Variants in TECPR1 observed in about 807,000 individuals in gnomAD.
TECPR1 encodes tectonin beta-propeller repeat-containing protein 1.
In TECPR1, 122 loss-of-function variants were observed where a neutral mutation model predicts 162.4. The ratio of observed to expected loss-of-function variants is 0.75; its 90% CI spans 0.65 to 0.87. The LOEUF is 0.87. TECPR1 is among the 40% of genes least tolerant of loss of function. The pLI is 0.00. For synonymous variants in TECPR1, 642 were observed against 670.6 expected (o/e 0.96, Z 0.66); for missense variants, 1,432 against 1,618.2 (o/e 0.88, Z 1.97).
chr7:98,231,653 C>T (rs1798443549), intron 13 of TECPR1, 151 bp downstream of exon 13: 18 of 1,016,526 alleles, frequency 1.8e-5, no homozygotes, highest in Non-Finnish European at 2.4e-5. Flanking sequence ...TTTCTGTACC[C>T]CTCCCCTGGG....
chr7:98,221,781 G>A (rs779987875), intron 22 of TECPR1, 28 bp from the exon 23 acceptor site: 12 of 1,594,000 alleles, frequency 7.5e-6, no homozygotes, highest in African/African-American at 4.0e-5. Context: ...ACTCAGGCAC[G>A]CTGCCTTCTC....
chr7:98,220,187 CA>C (rs1446182164), intron 23 of TECPR1, among the ~76,000 whole-genome samples: 2 of 150,830 alleles, frequency 1.3e-5, no homozygotes, highest in Non-Finnish European at 3.0e-5. Flanking sequence ...ACTAAAAATA[CA>C]AAAAAATTAG....
chr7:98,233,037 G>C, intron 11 of TECPR1, 65 bp from the exon 12 acceptor site: 1 of 1,508,858 alleles, frequency 6.6e-7, no homozygotes, highest in Non-Finnish European at 8.9e-7. Context: ...AGGAAGCCAC[G>C]GCGCTCCCCT....
intron 9 of TECPR1, among the ~76,000 whole-genome samples, chr7:98,237,846 C>T (rs189475506): frequency 3.5e-4 from 54 of 152,276 alleles, no homozygotes; most frequent in Admixed American, 1.1e-3. Flanking sequence ...ATGCATGGCT[C>T]ATTACAGCCT....
chr7:98,231,040 T>G lies in TECPR1; in HGVS notation c.2203A>C (p.Thr735Pro), dbSNP rs1798419053. 6.2e-7 allele frequency: 1 copy of G among 1,612,348 alleles called. No homozygotes were observed. ...CTCACGAAGATGTCCCCCTTGCAGGTGATGGACCAGATGGCCTGCGGGGAC... is the reference window on the plus strand; with the variant it reads ...CTCACGAAGATGTCCCCCTTGCAGGGGATGGACCAGATGGCCTGCGGGGAC... ...RPSPQAIWSI[T>P]CKGDIFVSEP... The change falls in exon 15 of 26, where the codon ACC (threonine) becomes CCC (proline). Residue 735 changes from threonine (T) to proline (P), a missense_variant. By Grantham distance (38) the Thr-to-Pro change is conservative. Transcript: ENST00000447648.
In TECPR1 at chr7:98,231,137, G is replaced by A. The variant is rs1272413650; in HGVS notation, c.2125-19C>T. ...GGGCGAGCTGGTGTGGCACAATGCC[G>A]GTCACTGCTGAGCAGGCCAGGCCAG... is the stretch of plus-strand genomic sequence containing the variant. On this transcript the variant is annotated intron_variant, in intron 14 of 25. Transcript: ENST00000447648. 7.5e-6 allele frequency: 12 copies of A among 1,601,882 alleles called. No homozygotes were observed. Among genetic ancestry groups the A allele is most frequent in the African/African-American group, 5.4e-5 (4 of 74,570 alleles).
chr7:98,233,749 C>G lies in TECPR1; in HGVS notation c.1344G>C (p.Leu448=), dbSNP rs1157571794. ...TATCTTCTGCGGTCCTGCCAGCCCCCAGGCCTGAGGCTGAGTTCCCTGTGG... is the reference window on the plus strand; with the variant it reads ...TATCTTCTGCGGTCCTGCCAGCCCCGAGGCCTGAGGCTGAGTTCCCTGTGG... ...KNATGNSASG[L]GAGRTAEDTV... The change falls in exon 11 of 26, where the codon CTG becomes CTC. Residue 448 remains leucine (L), a synonymous_variant. Transcript: ENST00000447648. 4 of 1,612,614 alleles carry G rather than the reference C, an allele frequency of 2.5e-6. No homozygotes were observed. The highest frequency in any genetic ancestry group is 2.7e-5 in the African/African-American group (2 of 74,946).
In TECPR1 at chr7:98,215,292, T is replaced by C. The variant is rs982983923; in HGVS notation, c.*2098A>G. The C allele has an allele frequency of 7.2e-5, 11 of 152,276 alleles. No individual in the cohort carries two copies. The highest frequency in any genetic ancestry group is 1.5e-4 in the Non-Finnish European group (10 of 68,050). 9.4% of individuals were successfully genotyped at this position (152,276 alleles called of 1,614,324 possible). A position where few individuals can be genotyped will look rare whatever the true frequency, so the allele number is the denominator to read the frequency against. ...ATTGTTGCATCTGGGAAAACCCAGC[T>C]GGAGCCGAACGGCCCGTGCCCCCAC... is the stretch of plus-strand genomic sequence containing the variant. On this transcript the variant is annotated 3_prime_UTR_variant, in exon 26 of 26. Transcript: ENST00000447648.
intron 9 of TECPR1, 21 bp downstream of exon 9, chr7:98,238,488 G>A (rs1434993805): frequency 6.5e-7 from 1 of 1,547,728 alleles, no homozygotes; most frequent in Admixed American, 2.0e-5. Context: ...CTGTTTAGGG[G>A]CTGCAGACCC....
In TECPR1 at chr7:98,241,349, C is replaced by G. The variant is rs1412027194; in HGVS notation, c.658-105G>C. 3 of 1,387,432 alleles carry G rather than the reference C, an allele frequency of 2.2e-6. No homozygotes were observed. The highest frequency in any genetic ancestry group is 3.0e-6 in the Non-Finnish European group (3 of 1,005,956). The allele number at this position is 1,387,432 out of a possible 1,614,324, so 85.9% of individuals were successfully genotyped here. A position where few individuals can be genotyped will look rare whatever the true frequency, so the allele number is the denominator to read the frequency against. ...GGTAGGACCCATGTCCCCTGACCGT[C>G]CAGATCTCACTCCCTGCCCCCTACC... On this transcript the variant is annotated intron_variant, in intron 6 of 25. Transcript: ENST00000447648. This position sits in a 1 kb window ranked among gnomAD's most constrained non-coding sequence, Gnocchi z 5.0.
Position 98,228,000 on chromosome 7 carries a change from C to T in TECPR1, c.2513+14G>A, listed in dbSNP as rs772424890. The T allele has an allele frequency of 4.4e-6, 7 of 1,607,378 alleles. No individual in the cohort carries two copies. The highest frequency in any genetic ancestry group is 2.7e-5 in the African/African-American group (2 of 74,826). On this transcript the variant is annotated intron_variant, in intron 17 of 25. Coordinates refer to ENST00000447648, the MANE Select transcript of TECPR1 (RefSeq NM_015395.3). ...TGCCAGGCAGCATCCTGGCCGGGCA[C>T]CTGTGCCACTTACCTGCTGGTGTAG...
intron 5 of TECPR1, among the ~76,000 whole-genome samples, chr7:98,244,125 G>A (rs1266610828): frequency 2.0e-5 from 3 of 149,456 alleles, no homozygotes; most frequent in Admixed American, 6.8e-5. Flanking sequence ...CCCAGGGGCA[G>A]CCCCACCTGA....
At position 98,235,849 on chromosome 7, in the gene TECPR1, A is replaced by AAAAAAAAAAAC; in HGVS notation, c.1181+926_1181+927insGTTTTTTTTTT. On this transcript the variant is annotated intron_variant, in intron 10 of 25. Transcript: ENST00000447648. ...TCTCAAAAAAAAAAAAAAAAAAAAAAAACACCATCTGAGCAGACTAAACCC... is the reference window on the plus strand; with the variant it reads ...TCTCAAAAAAAAAAAAAAAAAAAAAAAAAAAAAAAACAACACCATCTGAGCAGACTAAACCC... 1.7e-4 allele frequency among the ~76,000 whole-genome samples: 19 copies of AAAAAAAAAAAC among 110,334 alleles called. 1 individual carries two copies. Among genetic ancestry groups the AAAAAAAAAAAC allele is most frequent in the African/African-American group, 4.3e-4 (14 of 32,470 alleles). The allele number at this position is 110,334 out of a possible 152,430, so 72.4% of individuals were successfully genotyped here.
intron 23 of TECPR1, among the ~76,000 whole-genome samples, chr7:98,221,065 G>T (rs1432319110): frequency 3.3e-5 from 5 of 151,228 alleles, no homozygotes; most frequent in African/African-American, 1.2e-4. Flanking sequence ...ACTTTGGGAG[G>T]CCGAGGTGGG....
At chr7:98,230,844 C>T in intron 15 of TECPR1, 117 bp downstream of exon 15, 4 of 1,355,300 alleles carry the variant, frequency 3.0e-6, no homozygotes, top group Non-Finnish European at 3.9e-6. Flanking sequence ...GTGCCTCTGC[C>T]TGGTCAGCGA....
chr7:98,231,696 CTCA>C, intron 13 of TECPR1, 105 bp downstream of exon 13: 1 of 1,403,460 alleles, frequency 7.1e-7, no homozygotes, highest in Non-Finnish European at 9.7e-7. Context: ...CCTGGGCACC[CTCA>C]TTTCTGTACC....
intron 8 of TECPR1, among the ~76,000 whole-genome samples, chr7:98,239,656 T>C (rs1393735125): frequency 6.6e-6 from 1 of 152,110 alleles, no homozygotes; most frequent in Non-Finnish European, 1.5e-5. Context: ...CTCTGGGAAG[T>C]GGGGTGACCA....
In TECPR1 at chr7:98,225,079, A is replaced by G. The variant is rs1397597362; in HGVS notation, c.2537T>C (p.Met846Thr). 6.4e-7 allele frequency: 1 copy of G among 1,570,668 alleles called. No individual in the cohort carries two copies. Among genetic ancestry groups the G allele is most frequent in the Non-Finnish European group, 8.6e-7 (1 of 1,159,992 alleles). Residue 846 changes from methionine to threonine, a missense_variant, in exon 18 of 26, where the codon ATG (methionine) becomes ACG (threonine). By Grantham distance (81) the Met-to-Thr change is moderately conservative. Transcript: ENST00000447648. ...TSRGLPTDRY[M>T]WSDASGLQEC... Reference sequence around the variant, plus strand: ...CTGCAGCCCCGAGGCATCGCTCCACATGTACCGGTCCGTGGGCAGACCCCT... The same window carrying G: ...CTGCAGCCCCGAGGCATCGCTCCACGTGTACCGGTCCGTGGGCAGACCCCT...
Position 98,229,024 on chromosome 7 carries a change from G to A in TECPR1, c.2410+15C>T. On this transcript the variant is annotated intron_variant, in intron 16 of 25. Transcript: ENST00000447648. ...CGCCCAGGAAGGCTCCGGGGGGGCTGTGGGCCGCCCTCACCTTGGAAGCAG... is the reference window on the plus strand; with the variant it reads ...CGCCCAGGAAGGCTCCGGGGGGGCTATGGGCCGCCCTCACCTTGGAAGCAG... The A allele has an allele frequency of 1.3e-6, 2 of 1,598,502 alleles. No individual in the cohort carries two copies. The highest frequency in any genetic ancestry group is 2.2e-5 in the South Asian group (2 of 89,568).
Sources: gnomAD v4.1 joint callset for allele counts (sites outside exome capture counted in the v4.1 genomes callset) on GRCh38, gnomAD v4.1.1 for gene constraint, Gnocchi (gnomAD v3.1) non-coding constraint, MANE v1.5 for transcripts, NCBI Gene and HGNC (gene_info 2026-07-23, HGNC 2026-07-21) for gene names.